The following CCDC39 variants were observed in gnomAD, a reference collection of about 807,000 sequenced individuals.
The protein encoded by CCDC39 is coiled-coil domain 39 molecular ruler complex subunit, also known as coiled-coil domain-containing protein 39.
CCDC39 carries 113 observed loss-of-function variants against 121.0 expected under a neutral mutation model. The observed-to-expected ratio is 0.93, with a 90% CI of 0.80 to 1.09. The LOEUF (loss-of-function observed/expected upper bound fraction) is 1.09, where lower values mean the gene tolerates loss of function less well. CCDC39 is among the 50% of genes least tolerant of loss of function. The probability of loss-of-function intolerance (pLI) is 0.00; values close to 1 mark genes in which losing one functional copy is unlikely to be tolerated. For missense variants in CCDC39, 1,063 were observed against 1,074.7 expected (o/e 0.99, Z 0.15); for synonymous variants, 349 against 352.2 (o/e 0.99, Z 0.10).
intron 19 of CCDC39, among the ~76,000 whole-genome samples, chr3:180,615,633 T>G (rs1276865945): frequency 6.6e-6 from 1 of 152,120 alleles, no homozygotes; most frequent in Admixed American, 6.6e-5. Flanking sequence ...AGGGGCCTCT[T>G]CATGAAATTT....
Position 180,638,863 on chromosome 3 carries a change from A to G in CCDC39, c.1874+3130T>C, listed in dbSNP as rs189450555. Among the ~76,000 whole-genome samples, 347 of 152,298 alleles carry G rather than the reference A, an allele frequency of 2.3e-3. 1 individual carries two copies. The highest frequency in any genetic ancestry group is 9.0e-3 in the Admixed American group (137 of 15,296). On this transcript the variant is annotated intron_variant, in intron 13 of 19. Coordinates refer to ENST00000476379, the MANE Select transcript of CCDC39 (RefSeq NM_181426.2). The stretch of plus-strand genomic sequence containing the variant: ...GTAAAAACAATGAAAAGCAGGAAAG[A>G]CAGAAATAATGAATACATGGCAATT...
In CCDC39 at chr3:180,652,206, T is replaced by C; in HGVS notation, c.991A>G (p.Asn331Asp). The C allele has an allele frequency of 6.5e-7, 1 of 1,536,300 alleles. No homozygotes were observed. The highest frequency in any genetic ancestry group is 8.8e-7 in the Non-Finnish European group (1 of 1,141,648). The change falls in exon 8 of 20, where the codon AAT becomes GAT. Residue 331 changes from asparagine to aspartate, a missense_variant. By Grantham distance (23) the Asn-to-Asp change is conservative (BLOSUM62 1). Coordinates refer to ENST00000476379, the MANE Select transcript of CCDC39 (RefSeq NM_181426.2). Reference protein sequence around the residue: ...TSSDLEALRKNISKIKKDIHE... With the variant: ...TSSDLEALRKDISKIKKDIHE... Reference sequence around the variant, plus strand: ...ATGTCCTTCTTTATCTTGGAAATATTTTTCCTCAGAGCTTCTAAATCACTG... The same window carrying C: ...ATGTCCTTCTTTATCTTGGAAATATCTTTCCTCAGAGCTTCTAAATCACTG...
intron 13 of CCDC39, among the ~76,000 whole-genome samples, chr3:180,636,895 G>A (rs1349254807): frequency 1.3e-5 from 2 of 152,110 alleles, no homozygotes; most frequent in African/African-American, 2.4e-5. Flanking sequence ...GATTGAAACT[G>A]GACCCCTTTC....
chr3:180,652,189 C>G lies in CCDC39; in HGVS notation c.1008G>C (p.Lys336Asn). Reference protein sequence around the residue: ...EALRKNISKIKKDIHEETARL... With the variant: ...EALRKNISKINKDIHEETARL... ...TTGCTGTTTCTTCATGAATGTCCTTCTTTATCTTGGAAATATTTTTCCTCA... is the reference window on the plus strand; with the variant it reads ...TTGCTGTTTCTTCATGAATGTCCTTGTTTATCTTGGAAATATTTTTCCTCA... The change falls in exon 8 of 20, where the codon AAG (lysine) becomes AAC (asparagine). Residue 336 changes from lysine to asparagine, a missense_variant. Lys to Asn is a moderately conservative substitution (Grantham distance 94). Transcript: ENST00000476379. 1 of 1,528,824 alleles carries G rather than the reference C, an allele frequency of 6.5e-7. No individual in the cohort carries two copies. Among genetic ancestry groups the G allele is most frequent in the Non-Finnish European group, 8.8e-7 (1 of 1,137,114 alleles). The allele number at this position is 1,528,824 out of a possible 1,614,324, so 94.7% of individuals were successfully genotyped here.
chr3:180,619,747 T>G, intron 15 of CCDC39, 64 bp downstream of exon 15: 1 of 957,344 alleles, frequency 1.0e-6, no homozygotes, highest in Non-Finnish European at 1.5e-6. Flanking sequence ...TGTCTCACAG[T>G]GTTCCTTTTA....
rs761901221 is a variant in CCDC39 at position 180,642,133 on chromosome 3, C to T, written c.1734G>A (p.Lys578=). ...TTTCTAGGGAAAGAACTTCTTCTGC[C>T]TTACTGTGAAGCATTTCTCGAGTAC... is the stretch of plus-strand genomic sequence containing the variant. ...VKRTREMLHS[K]AEEVLSLEKR... is the part of the protein sequence containing the mutation. Residue 578 remains lysine (K), a synonymous_variant, in exon 13 of 20, where the codon AAG becomes AAA. Coordinates refer to ENST00000476379, the MANE Select transcript of CCDC39 (RefSeq NM_181426.2). 1.2e-6 allele frequency: 2 copies of T among 1,612,624 alleles called. No homozygotes were observed. The highest frequency in any genetic ancestry group is 2.2e-5 in the East Asian group (1 of 44,798).
chr3:180,636,082 A>G (rs932115302), intron 13 of CCDC39, among the ~76,000 whole-genome samples: 10 of 152,182 alleles, frequency 6.6e-5, no homozygotes, highest in African/African-American at 1.9e-4. Context: ...CTTAGTCAAC[A>G]TAGTATTGGA....
intron 19 of CCDC39, 85 bp downstream of exon 19, chr3:180,616,196 C>T: frequency 2.6e-6 from 3 of 1,136,318 alleles, no homozygotes; most frequent in Admixed American, 3.7e-5. Flanking sequence ...GCCTGCCTAA[C>T]AGCTGCGGTG....
intron 1 of CCDC39, among the ~76,000 whole-genome samples, chr3:180,675,605 C>T (rs980741401): frequency 4.4e-4 from 67 of 152,272 alleles, no homozygotes; most frequent in Admixed American, 1.9e-3. Context: ...CCTGCTTTCT[C>T]TTGTGGGCAT....
rs1178375736 is a variant in CCDC39, at chr3:180,642,190, TA to T, written c.1676del (p.Ile559LysfsTer6). On this transcript the variant is annotated frameshift_variant, in exon 13 of 20. Coordinates refer to ENST00000476379, the MANE Select transcript of CCDC39 (RefSeq NM_181426.2). LOFTEE classifies it high-confidence loss of function. ...CTTCAAGTTTTAAAAGATTGTCCTC[TA>T]TCATCAAATCCTATCAACGTAACAA... ...KAKGFKQDLMIEDNLLKLEVK... is the reference protein window; with the variant it reads ...KAKGFKQDLMXEDNLLKLEVK... 1 of 1,594,432 alleles carries T rather than the reference TA, an allele frequency of 6.3e-7. No individual in the cohort carries two copies. The highest frequency in any genetic ancestry group is 1.7e-5 in the Admixed American group (1 of 57,664).
intron 14 of CCDC39, among the ~76,000 whole-genome samples, chr3:180,623,559 G>T (rs529493853): frequency 6.6e-6 from 1 of 151,750 alleles, no homozygotes; most frequent in East Asian, 1.9e-4. Context: ...GTTAATTGAT[G>T]ATCTTTCTAC....
At chr3:180,647,017 T>A in intron 11 of CCDC39, 62 bp downstream of exon 11, 1 of 1,489,908 alleles carries the variant, frequency 6.7e-7, no homozygotes, top group Admixed American at 2.0e-5. Flanking sequence ...CTTAAGAACA[T>A]GTTGTCCTAA....
rs1041751751 is a variant in CCDC39, at chr3:180,614,661, A to G, written c.*260T>C. On this transcript the variant is annotated 3_prime_UTR_variant, in exon 20 of 20. Transcript: ENST00000476379. ...CAAACTATTTTCTAACACTACGAAC[A>G]TCAGAATTACAGTGAAATACAGCAT... 2.8e-5 allele frequency: 10 copies of G among 355,866 alleles called. No homozygotes were observed. Among genetic ancestry groups the G allele is most frequent in the Non-Finnish European group, 4.0e-5 (8 of 198,332 alleles). The allele number at this position is 355,866 out of a possible 1,614,324, so 22.0% of individuals were successfully genotyped here.
intron 8 of CCDC39, among the ~76,000 whole-genome samples, chr3:180,651,771 C>A (rs183133610): frequency 6.6e-6 from 1 of 152,250 alleles, no homozygotes; most frequent in East Asian, 1.9e-4. Flanking sequence ...GGCGCGGTGG[C>A]TCACGCCTGT....
intron 1 of CCDC39, among the ~76,000 whole-genome samples, chr3:180,670,683 T>C (rs896163253): frequency 6.6e-6 from 1 of 151,808 alleles, no homozygotes; most frequent in South Asian, 2.1e-4. Flanking sequence ...TCATTTAATT[T>C]CTTGAAATAA....
intron 14 of CCDC39, among the ~76,000 whole-genome samples, chr3:180,623,909 G>A (rs183641609): frequency 2.0e-5 from 3 of 151,996 alleles, no homozygotes; most frequent in Admixed American, 6.6e-5. Flanking sequence ...TTATGCAGTC[G>A]TTGGGTAGAA....
rs149765176 is a variant in CCDC39, at chr3:180,671,555, C to T, written c.91-7569G>A. Reference sequence around the variant, plus strand: ...CCAATTCTGGAGTTTGCCTTCCCTGCATCAAAAGATTTAGTGGTCCAGATA... The same window carrying T: ...CCAATTCTGGAGTTTGCCTTCCCTGTATCAAAAGATTTAGTGGTCCAGATA... On this transcript the variant is annotated intron_variant, in intron 1 of 19. Coordinates refer to ENST00000476379, the MANE Select transcript of CCDC39 (RefSeq NM_181426.2). 1.8e-4 allele frequency among the ~76,000 whole-genome samples: 28 copies of T among 152,330 alleles called. No individual in the cohort carries two copies. In the East Asian group the frequency reaches 5.4e-3, roughly 29 times the overall value.
intron 19 of CCDC39, among the ~76,000 whole-genome samples, chr3:180,615,840 T>C (rs975799743): frequency 3.3e-5 from 5 of 152,190 alleles, no homozygotes; most frequent in African/African-American, 1.2e-4. Context: ...AAATAAAGCT[T>C]CATAAAGTCA....
intron 1 of CCDC39, among the ~76,000 whole-genome samples, chr3:180,676,436 CA>C (rs1386509353): frequency 6.6e-6 from 1 of 152,228 alleles, no homozygotes; most frequent in Admixed American, 6.5e-5. Context: ...ATCAAAACCA[CA>C]ATGAGATATC....
Sources: gnomAD v4.1 joint callset for allele counts (sites outside exome capture counted in the v4.1 genomes callset) on GRCh38, gnomAD v4.1.1 for gene constraint, MANE v1.5 for transcripts, NCBI Gene and HGNC (gene_info 2026-07-23, HGNC 2026-07-21) for gene names.